Variants in SMAD6 observed in about 807,000 individuals in gnomAD.
SMAD6 encodes MAD homolog 6.
In SMAD6, 103 loss-of-function variants were observed where a neutral mutation model predicts 39.4. That is an observed-to-expected ratio of 2.62 (90% CI 2.23 to 3.08). SMAD6 has a LOEUF of 3.08. Among genes scored for constraint, SMAD6 ranks in the 30% most tolerant of loss-of-function variants. The pLI is 0.00. For missense variants in SMAD6, 1,104 were observed against 742.9 expected (o/e 1.49, Z -5.65); for synonymous variants, 445 against 353.3 (o/e 1.26, Z -2.91).
chr15:66,723,749 C>T (rs757330437), intron 3 of SMAD6, among the ~76,000 whole-genome samples: 50 of 152,188 alleles, frequency 3.3e-4, no homozygotes, highest in Non-Finnish European at 5.9e-5. Context: ...GAATCTACTA[C>T]ATGCCAGTGG....
intron 3 of SMAD6, among the ~76,000 whole-genome samples, chr15:66,765,891 G>A (rs1347600506): frequency 1.3e-5 from 2 of 152,156 alleles, no homozygotes; most frequent in Non-Finnish European, 2.9e-5. Flanking sequence ...AAAAGTCCCG[G>A]CCTGCAAGTT....
intron 3 of SMAD6, among the ~76,000 whole-genome samples, chr15:66,772,332 C>T (rs1894393334): frequency 6.6e-6 from 1 of 152,296 alleles, no homozygotes; most frequent in South Asian, 2.1e-4. Context: ...AACATATGTT[C>T]AGGTAGTGCA....
At chr15:66,742,219 C>T (rs757146726) in intron 3 of SMAD6, among the ~76,000 whole-genome samples, 1 of 152,192 alleles carries the variant, frequency 6.6e-6, no homozygotes, top group South Asian at 2.1e-4. Flanking sequence ...GGAGAAGCCC[C>T]TCTCCCCTTT....
chr15:66,763,134 C>T (rs1041171465), intron 3 of SMAD6, among the ~76,000 whole-genome samples: 2 of 152,234 alleles, frequency 1.3e-5, no homozygotes, highest in Admixed American at 1.3e-4. Flanking sequence ...GTGAGATCTG[C>T]TGAGCACCTC....
chr15:66,711,703 C>T lies in SMAD6; in HGVS notation c.853C>T (p.Arg285Cys), dbSNP rs749741980. 4.2e-5 allele frequency: 67 copies of T among 1,613,732 alleles called. No individual in the cohort carries two copies. The highest frequency in any genetic ancestry group is 3.3e-5 in the Admixed American group (2 of 59,994). The change falls in exon 2 of 4, where the codon CGC becomes TGC. Residue 285 changes from arginine (R) to cysteine (C), a missense_variant. Transcript: ENST00000288840. ...PPPPYSRLSP[R>C]DEYKPLDLSD... ...ACCTCCCTACTCTCGGCTGTCTCCT[C>T]GCGACGAGTACAAGCCACTGGGTAA...
intron 3 of SMAD6, among the ~76,000 whole-genome samples, chr15:66,775,681 G>C (rs767751390): frequency 2.0e-5 from 3 of 152,210 alleles, no homozygotes; most frequent in South Asian, 2.1e-4. Context: ...CCCTGAGCAG[G>C]GGGTAGTGAG....
intron 3 of SMAD6, among the ~76,000 whole-genome samples, chr15:66,757,413 A>C (rs1894120641): frequency 6.6e-6 from 1 of 152,160 alleles, no homozygotes; most frequent in Admixed American, 6.5e-5. Context: ...ACAGAGGTTC[A>C]TGTGGACTCA....
At chr15:66,763,446 C>T (rs1038396700) in intron 3 of SMAD6, among the ~76,000 whole-genome samples, 4 of 152,228 alleles carry the variant, frequency 2.6e-5, no homozygotes, top group African/African-American at 4.8e-5. Context: ...AGTGCCGCCT[C>T]CCCGACTTGG....
At position 66,703,293 on chromosome 15, in the gene SMAD6, G is replaced by C; in HGVS notation, c.35G>C (p.Arg12Pro). 1 of 1,491,038 alleles carries C rather than the reference G, an allele frequency of 6.7e-7. No homozygotes were observed. Among genetic ancestry groups the C allele is most frequent in the Non-Finnish European group, 8.9e-7 (1 of 1,120,030 alleles). The allele number at this position is 1,491,038 out of a possible 1,614,324, so 92.4% of individuals were successfully genotyped here. The change falls in exon 1 of 4, where the codon CGA (arginine) becomes CCA (proline). Residue 12 changes from arginine to proline, a missense_variant. Physicochemically the swap from Arg to Pro is moderately radical, Grantham distance 103 (BLOSUM62 -2). Transcript: ENST00000288840. ...FRSKRSGLVR[R>P]LWRSRVVPDR... is the part of the protein sequence containing the mutation. ...TCCAAACGCTCGGGGCTGGTGCGGC[G>C]ACTTTGGCGAAGTCGTGTGGTCCCC...
intron 3 of SMAD6, among the ~76,000 whole-genome samples, chr15:66,749,335 G>A (rs1893960018): frequency 6.6e-6 from 1 of 152,180 alleles, no homozygotes; most frequent in Admixed American, 6.5e-5. Context: ...GTGGGTGCCT[G>A]TAATCCTAGC....
intron 2 of SMAD6, among the ~76,000 whole-genome samples, chr15:66,716,112 C>T (rs536581442): frequency 6.6e-6 from 1 of 152,342 alleles, no homozygotes; most frequent in South Asian, 2.1e-4. Flanking sequence ...CCCACGGAGG[C>T]TCCAAGTTGC....
chr15:66,742,788 G>A (rs76835278), intron 3 of SMAD6, among the ~76,000 whole-genome samples: 1,624 of 152,282 alleles, frequency 0.011, 15 homozygotes, highest in Non-Finnish European at 0.017. Flanking sequence ...AGGAAGCCAG[G>A]GAGGTTGGTG....
At chr15:66,720,677 A>G (rs973982075) in intron 3 of SMAD6, among the ~76,000 whole-genome samples, 1 of 152,218 alleles carries the variant, frequency 6.6e-6, no homozygotes, top group African/African-American at 2.4e-5. Context: ...AACAACAAAC[A>G]TATCCTTAAT....
intron 3 of SMAD6, among the ~76,000 whole-genome samples, chr15:66,728,711 A>G (rs540356338): frequency 8.7e-4 from 133 of 152,190 alleles, no homozygotes; most frequent in Middle Eastern, 3.4e-3. Context: ...GGCCTCATCC[A>G]TATTGTTGTT....
chr15:66,735,805 A>T (rs1893703146), intron 3 of SMAD6, among the ~76,000 whole-genome samples: 1 of 152,178 alleles, frequency 6.6e-6, no homozygotes. Context: ...ATGCACACAC[A>T]CATACACACA....
At chr15:66,745,733 T>C (rs1008534600) in intron 3 of SMAD6, among the ~76,000 whole-genome samples, 48 of 152,356 alleles carry the variant, frequency 3.2e-4, no homozygotes, top group African/African-American at 1.1e-3. Flanking sequence ...TCCGGCTTGC[T>C]GTGTGACCTT....
intron 3 of SMAD6, among the ~76,000 whole-genome samples, chr15:66,760,647 G>C (rs1449640383): frequency 2.0e-5 from 3 of 152,190 alleles, no homozygotes; most frequent in Non-Finnish European, 4.4e-5. Context: ...GCTAGGATTT[G>C]AACTGAGGTC....
At position 66,781,509 on chromosome 15, in the gene SMAD6, G is replaced by A; in HGVS notation, c.1465G>A (p.Glu489Lys). ...CATCACCTCCTGCCCCTGCTGGCTG[G>A]AGATCCTCCTCAACAACCCCAGATA... ...QFITSCPCWL[E>K]ILLNNPR The change falls in exon 4 of 4, where the codon GAG becomes AAG. Residue 489 changes from glutamate to lysine, a missense_variant. By Grantham distance (56) the Glu-to-Lys change is moderately conservative. Transcript: ENST00000288840. The A allele has an allele frequency of 1.9e-6, 3 of 1,556,142 alleles. No individual in the cohort carries two copies. Among genetic ancestry groups the A allele is most frequent in the Non-Finnish European group, 1.7e-6 (2 of 1,154,404 alleles).
intron 3 of SMAD6, among the ~76,000 whole-genome samples, chr15:66,761,028 G>C (rs1894189584): frequency 6.6e-6 from 1 of 152,182 alleles, no homozygotes; most frequent in African/African-American, 2.4e-5. Context: ...CCAGGGGCGG[G>C]GCCTGGGAAT....
Sources: gnomAD v4.1 joint callset for allele counts (sites outside exome capture counted in the v4.1 genomes callset) on GRCh38, gnomAD v4.1.1 for gene constraint, MANE v1.5 for transcripts, NCBI Gene and HGNC (gene_info 2026-07-23, HGNC 2026-07-21) for gene names.